DCDC2: variants seen among roughly 807,000 people sequenced by gnomAD.
DCDC2 encodes doublecortin domain containing 2, also known as doublecortin domain-containing protein 2.
In DCDC2, 40 loss-of-function variants were observed where a neutral mutation model predicts 50.2. The ratio of observed to expected loss-of-function variants is 0.80; its 90% confidence interval spans 0.62 to 1.04. DCDC2 has a LOEUF of 1.04. DCDC2 is among the 50% of genes least tolerant of loss of function. The pLI is 0.00. For synonymous variants in DCDC2, 234 were observed against 210.6 expected, an observed-to-expected ratio of 1.11 and a Z score of -0.96; for missense variants, 570 against 581.9, an observed-to-expected ratio of 0.98 and a Z score of 0.21.
In DCDC2 at chr6:24,357,493, G is replaced by C. The variant is rs1232792336; in HGVS notation, c.258C>G (p.Tyr86Ter). The change falls in exon 1 of 10, where the codon TAC becomes TAG. Residue 86 changes from tyrosine to a stop codon, truncating the protein, a stop_gained. Coordinates refer to ENST00000378454, the MANE Select transcript of DCDC2 (RefSeq NM_016356.5). LOFTEE classifies it high-confidence loss of function. ...KLDQIQSGGN[Y>*]VAGGQEAFKK... Reference sequence around the variant, plus strand: ...TGAAGGCTTCCTGGCCTCCAGCCACGTAATTGCCCCCGCTCTGGATCTGGT... The same window carrying C: ...TGAAGGCTTCCTGGCCTCCAGCCACCTAATTGCCCCCGCTCTGGATCTGGT... 1 of 1,610,220 alleles carries C rather than the reference G, an allele frequency of 6.2e-7. No individual in the cohort carries two copies. The highest frequency in any genetic ancestry group is 8.5e-7 in the Non-Finnish European group (1 of 1,177,860).
At chr6:24,327,172 A>G (rs1276357223) in intron 2 of DCDC2, among the ~76,000 whole-genome samples, 1 of 149,694 alleles carries the variant, frequency 6.7e-6, no homozygotes, top group Middle Eastern at 3.4e-3. Context: ...AACCTAGGTT[A>G]GGCCAAGTGT....
At chr6:24,252,894 C>T (rs193196165) in intron 7 of DCDC2, among the ~76,000 whole-genome samples, 4 of 152,158 alleles carry the variant, frequency 2.6e-5, no homozygotes, top group African/African-American at 4.8e-5. Context: ...AAAAGGAACA[C>T]CAGAAAATGT....
intron 7 of DCDC2, among the ~76,000 whole-genome samples, chr6:24,207,127 T>C (rs138634156): frequency 3.9e-5 from 6 of 152,342 alleles, no homozygotes; most frequent in Non-Finnish European, 5.9e-5. Flanking sequence ...TTTTTGATTA[T>C]AAATTGTTTA....
intron 7 of DCDC2, among the ~76,000 whole-genome samples, chr6:24,254,546 T>C (rs1762854744): frequency 6.6e-6 from 1 of 152,158 alleles, no homozygotes; most frequent in South Asian, 2.1e-4. Context: ...TATGTGATCA[T>C]TAACCAAAAG....
At chr6:24,381,803 A>AAGGAAGGAAGGAAGG in the DCDC2 span, among the ~76,000 whole-genome samples, 9 of 67,276 alleles carry the variant, frequency 1.3e-4, no homozygotes, top group African/African-American at 3.7e-4. Flanking sequence ...GGAAGGAAAG[A>AAGGAAGGAAGGAAGG]AAGGAAGGAA....
intron 2 of DCDC2, among the ~76,000 whole-genome samples, chr6:24,334,433 T>A (rs986908086): frequency 2.0e-5 from 3 of 152,204 alleles, no homozygotes; most frequent in Non-Finnish European, 4.4e-5. Flanking sequence ...ATGGGCCAAA[T>A]TCTGTCTATC....
At chr6:24,351,087 A>G (rs1459426065) in intron 2 of DCDC2, among the ~76,000 whole-genome samples, 1 of 152,190 alleles carries the variant, frequency 6.6e-6, no homozygotes, top group African/African-American at 2.4e-5. Flanking sequence ...TCTACCTAAA[A>G]CAGCCGTAAA....
At chr6:24,356,176 A>C (rs1760463610) in intron 1 of DCDC2, among the ~76,000 whole-genome samples, 1 of 152,206 alleles carries the variant, frequency 6.6e-6, no homozygotes, top group Admixed American at 6.5e-5. Flanking sequence ...ATAAATGGAT[A>C]AGCATGGATA....
the DCDC2 span, among the ~76,000 whole-genome samples, chr6:24,365,494 G>T: frequency 2.0e-5 from 3 of 152,194 alleles, no homozygotes; most frequent in Non-Finnish European, 4.4e-5. Flanking sequence ...GTTTCACCAT[G>T]TTGGCCAAGC....
At chr6:24,263,165 T>C (rs373944719) in intron 7 of DCDC2, among the ~76,000 whole-genome samples, 1 of 152,232 alleles carries the variant, frequency 6.6e-6, no homozygotes, top group Non-Finnish European at 1.5e-5. Flanking sequence ...ACAGCATTAC[T>C]CGGCTTGAGG....
At chr6:24,174,869 C>G in intron 9 of DCDC2, 35 bp from the exon 10 acceptor site, 1 of 1,413,318 alleles carries the variant, frequency 7.1e-7, no homozygotes, top group South Asian at 1.3e-5. Context: ...AGGTATTCAG[C>G]TGTTTGGTTC....
At chr6:24,305,396 C>A (rs1253966404) in intron 2 of DCDC2, among the ~76,000 whole-genome samples, 1 of 152,018 alleles carries the variant, frequency 6.6e-6, no homozygotes, top group East Asian at 1.9e-4. Context: ...CACTAAAAAT[C>A]TGAAAAACTA....
chr6:24,182,467 A>G (rs1200221160), intron 8 of DCDC2, among the ~76,000 whole-genome samples: 2 of 152,108 alleles, frequency 1.3e-5, no homozygotes, highest in African/African-American at 4.8e-5. Flanking sequence ...AACAACAAAA[A>G]GTCTCATTCA....
At chr6:24,381,502 T>A in the DCDC2 span, among the ~76,000 whole-genome samples, 3 of 152,338 alleles carry the variant, frequency 2.0e-5, no homozygotes, top group African/African-American at 7.2e-5. Flanking sequence ...AGGCTTAAGA[T>A]GCTGCTAAGC....
chr6:24,180,779 C>T (rs1194035849), intron 8 of DCDC2, among the ~76,000 whole-genome samples: 4 of 152,066 alleles, frequency 2.6e-5, no homozygotes, highest in African/African-American at 9.7e-5. Flanking sequence ...GACCAAACAA[C>T]TGACCAAACT....
chr6:24,378,382 C>A, the DCDC2 span, among the ~76,000 whole-genome samples: 827 of 152,236 alleles, frequency 5.4e-3, 14 homozygotes, highest in African/African-American at 0.018. Context: ...CTGATGATTT[C>A]TCTCCCTCCC....
upstream of DCDC2, among the ~76,000 whole-genome samples, chr6:24,358,794 ATATTT>A (rs1760539378): frequency 1.8e-4 from 12 of 68,194 alleles, no homozygotes; most frequent in East Asian, 4.2e-4. Flanking sequence ...TATAAAATAT[ATATTT>A]TATATATTAT....
intron 7 of DCDC2, among the ~76,000 whole-genome samples, chr6:24,231,143 AGGTCCCTT>A (rs1173986925): frequency 6.6e-6 from 1 of 152,244 alleles, no homozygotes; most frequent in Non-Finnish European, 1.5e-5. Context: ...GCTGGGTGCC[AGGTCCCTT>A]TCCTCCCACA....
intron 7 of DCDC2, among the ~76,000 whole-genome samples, chr6:24,207,247 C>A (rs902453538): frequency 4.3e-5 from 5 of 117,298 alleles, no homozygotes; most frequent in Non-Finnish European, 9.2e-5. Context: ...TCCCTCACTC[C>A]ATCTATCTTT....
Sources: allele counts gnomAD v4.1 joint callset (sites outside exome capture counted in the v4.1 genomes callset), GRCh38; gene constraint gnomAD v4.1.1; transcripts MANE v1.5; gene names NCBI Gene and HGNC (gene_info 2026-07-23, HGNC 2026-07-21).